Variants in CHMP4B observed in about 807,000 individuals in gnomAD.
CHMP4B encodes the protein charged multivesicular body protein 4B.
Under a neutral mutation model 25.1 loss-of-function variants are expected in CHMP4B, and 1 was observed. The ratio of observed to expected loss-of-function variants is 0.04; its 90% CI spans 0.01 to 0.19. The LOEUF (loss-of-function observed/expected upper bound fraction) is 0.19, where lower values mean the gene tolerates loss of function less well. CHMP4B is among the 10% of genes least tolerant of loss of function. CHMP4B has a pLI of 1.00. For missense variants in CHMP4B, 151 were observed against 289.7 expected (o/e 0.52, Z 3.48); for synonymous variants, 101 against 115.6 (o/e 0.87, Z 0.81).
chr20:33,845,152 C>T (rs1348914150), intron 1 of CHMP4B, among the ~76,000 whole-genome samples: 1 of 152,128 alleles, frequency 6.6e-6, no homozygotes, highest in Non-Finnish European at 1.5e-5. Flanking sequence ...CAGACTACTC[C>T]CCTCCTCACT....
At chr20:33,822,180 G>A (rs1179443648) in intron 1 of CHMP4B, among the ~76,000 whole-genome samples, 1 of 151,974 alleles carries the variant, frequency 6.6e-6, no homozygotes, top group Non-Finnish European at 1.5e-5. Flanking sequence ...GTCTCTCCCT[G>A]TTGCCTAGGC....
intron 1 of CHMP4B, among the ~76,000 whole-genome samples, chr20:33,817,492 C>T (rs975113543): frequency 6.6e-6 from 1 of 152,162 alleles, no homozygotes; most frequent in Admixed American, 6.5e-5. Flanking sequence ...CTTGGAGAAA[C>T]CTTGAGTTGT....
intron 1 of CHMP4B, among the ~76,000 whole-genome samples, chr20:33,816,568 GT>G (rs1978787860): frequency 6.6e-6 from 1 of 152,048 alleles, no homozygotes; most frequent in Non-Finnish European, 1.5e-5. Flanking sequence ...CCTAAGAAAG[GT>G]GATCATACTT....
At chr20:33,814,870 C>G (rs991474126) in intron 1 of CHMP4B, among the ~76,000 whole-genome samples, 2 of 152,212 alleles carry the variant, frequency 1.3e-5, no homozygotes, top group African/African-American at 4.8e-5. Context: ...AGGCTGGTCT[C>G]AAACTCCTGG....
chr20:33,840,007 T>C (rs1311305569), intron 1 of CHMP4B, among the ~76,000 whole-genome samples: 2 of 152,140 alleles, frequency 1.3e-5, no homozygotes, highest in Non-Finnish European at 1.5e-5. Flanking sequence ...TTCTCATAAA[T>C]GTTAGCTGCT....
At chr20:33,812,956 G>A (rs1568604010) in intron 1 of CHMP4B, among the ~76,000 whole-genome samples, 1 of 152,204 alleles carries the variant, frequency 6.6e-6, no homozygotes, top group Non-Finnish European at 1.5e-5. Context: ...CCTAATGGGA[G>A]AGAAGACAGA....
intron 1 of CHMP4B, among the ~76,000 whole-genome samples, chr20:33,836,640 C>G (rs1044189450): frequency 6.6e-6 from 1 of 152,112 alleles, no homozygotes; most frequent in Non-Finnish European, 1.5e-5. Flanking sequence ...CTCCGTGGCT[C>G]TCCAGGGTTT....
chr20:33,811,386 G>A lies in CHMP4B; in HGVS notation c.-83G>A. ...GCGGCAGGGAGCGGCGGGACTGGGAGCGGGCGCCGGAGCCGACCCGAGCCG... is the reference window on the plus strand; with the variant it reads ...GCGGCAGGGAGCGGCGGGACTGGGAACGGGCGCCGGAGCCGACCCGAGCCG... On this transcript the variant is annotated 5_prime_UTR_variant, in exon 1 of 5. Transcript: ENST00000217402. The A allele has an allele frequency of 8.5e-7, 1 of 1,174,092 alleles. No homozygotes were observed. The highest frequency in any genetic ancestry group is 1.1e-6 in the Non-Finnish European group (1 of 922,318). The allele number at this position is 1,174,092 out of a possible 1,614,324, so 72.7% of individuals were successfully genotyped here. A position where few individuals can be genotyped will look rare whatever the true frequency, so the allele number is the denominator to read the frequency against.
chr20:33,820,366 T>G (rs536457677), intron 1 of CHMP4B, among the ~76,000 whole-genome samples: 1 of 152,334 alleles, frequency 6.6e-6, no homozygotes, highest in African/African-American at 2.4e-5. Context: ...ATCTTTGATC[T>G]TAATGCTGTA....
At chr20:33,817,428 G>T (rs532991351) in intron 1 of CHMP4B, among the ~76,000 whole-genome samples, 2 of 152,338 alleles carry the variant, frequency 1.3e-5, no homozygotes, top group African/African-American at 4.8e-5. Context: ...ACTCAAGATA[G>T]ATTTTGTTTG....
At chr20:33,820,707 C>T (rs1011679196) in intron 1 of CHMP4B, among the ~76,000 whole-genome samples, 3 of 151,934 alleles carry the variant, frequency 2.0e-5, no homozygotes, top group Non-Finnish European at 4.4e-5. Flanking sequence ...TATGTTTTAT[C>T]GAATAGTTAT....
At position 33,851,546 on chromosome 20, in the gene CHMP4B, A is replaced by G. The variant is rs1188411926; in HGVS notation, c.483+480A>G. Among the ~76,000 whole-genome samples the G allele has an allele frequency of 3.9e-5, 6 of 152,038 alleles. No individual in the cohort carries two copies. In the East Asian group the frequency reaches 5.8e-4, roughly 15 times the overall value. On this transcript the variant is annotated intron_variant, in intron 3 of 4. Coordinates refer to ENST00000217402, the MANE Select transcript of CHMP4B (RefSeq NM_176812.5). ...CTTGAGTCTCTTAGGTTTTTAAAGT[A>G]TGGTACCAGCCCCTGTTGAAGGTAT...
intron 1 of CHMP4B, among the ~76,000 whole-genome samples, chr20:33,814,731 T>C (rs1978733519): frequency 1.3e-5 from 2 of 152,238 alleles, no homozygotes; most frequent in South Asian, 4.1e-4. Context: ...TATAGCTCAG[T>C]GCAGCCTGGC....
chr20:33,851,986 G>T, intron 3 of CHMP4B, 91 bp from the exon 4 acceptor site: 2 of 1,543,884 alleles, frequency 1.3e-6, no homozygotes, highest in Non-Finnish European at 1.8e-6. Flanking sequence ...AGAGGGGTGT[G>T]TGTCTCCATG....
intron 1 of CHMP4B, among the ~76,000 whole-genome samples, chr20:33,830,382 G>C (rs1387550751): frequency 6.6e-6 from 1 of 152,204 alleles, no homozygotes; most frequent in African/African-American, 2.4e-5. Context: ...CCTTGTGTTA[G>C]TTAGCTTGGG....
chr20:33,826,387 G>A (rs1979095100), intron 1 of CHMP4B, among the ~76,000 whole-genome samples: 2 of 152,074 alleles, frequency 1.3e-5, no homozygotes, highest in African/African-American at 4.8e-5. Context: ...ATAGATGAGG[G>A]GTAGTGGTGG....
At chr20:33,814,653 T>C (rs1468471031) in intron 1 of CHMP4B, among the ~76,000 whole-genome samples, 1 of 152,166 alleles carries the variant, frequency 6.6e-6, no homozygotes, top group Non-Finnish European at 1.5e-5. Flanking sequence ...CCTTTATTTT[T>C]ATTTATTCAT....
At chr20:33,837,152 C>T (rs1484346133) in intron 1 of CHMP4B, among the ~76,000 whole-genome samples, 1 of 152,146 alleles carries the variant, frequency 6.6e-6, no homozygotes, top group East Asian at 1.9e-4. Flanking sequence ...GGCGCGGTGG[C>T]TCACTCCTGT....
Position 33,847,292 on chromosome 20 carries a change from T to G in CHMP4B, c.191-1175T>G, listed in dbSNP as rs1410394925. Reference sequence around the variant, plus strand: ...TTTTCTTCTTAGATGTACTGTTTTTTTTTTTAAACAAAGGGACAGCTTTTT... The same window carrying G: ...TTTTCTTCTTAGATGTACTGTTTTTGTTTTTAAACAAAGGGACAGCTTTTT... On this transcript the variant is annotated intron_variant, in intron 1 of 4. Coordinates refer to ENST00000217402, the MANE Select transcript of CHMP4B (RefSeq NM_176812.5). Among the ~76,000 whole-genome samples the G allele has an allele frequency of 2.6e-5, 4 of 152,088 alleles. No homozygotes were observed. In the East Asian group the frequency reaches 7.7e-4, roughly 29 times the overall value.
Sources: gnomAD v4.1 joint callset for allele counts (sites outside exome capture counted in the v4.1 genomes callset) on GRCh38, gnomAD v4.1.1 for gene constraint, MANE v1.5 for transcripts, NCBI Gene and HGNC (gene_info 2026-07-23, HGNC 2026-07-21) for gene names.